The following THAP12 variants were observed in gnomAD, a reference collection of about 807,000 sequenced individuals.
The protein encoded by THAP12 is THAP domain containing 12.
In THAP12, 20 loss-of-function variants were observed where a neutral mutation model predicts 63.0. The observed-to-expected ratio is 0.32, with a 90% CI of 0.22 to 0.46. THAP12 has a LOEUF of 0.46. Ranked by LOEUF, THAP12 falls within the 20% of genes least tolerant of loss-of-function variation. The pLI is 1.00. For missense variants in THAP12, 568 were observed against 908.2 expected, an observed-to-expected ratio of 0.63 and a Z score of 4.81; for synonymous variants, 264 against 328.4, an observed-to-expected ratio of 0.80 and a Z score of 2.12.
intron 3 of THAP12, chr11:76,359,408 C>T (rs1039459001): frequency 1.3e-5 from 2 of 151,888 alleles, no homozygotes; most frequent in Non-Finnish European, 2.9e-5. Flanking sequence ...TAGTAATATT[C>T]GTTTACTAAC....
intron 1 of THAP12, among the ~76,000 whole-genome samples, chr11:76,377,695 TATGA>T (rs1226323135): frequency 6.6e-6 from 1 of 152,256 alleles, no homozygotes. Context: ...ATAGTGCTGC[TATGA>T]ATGTGTGTAC....
At chr11:76,360,254 T>C (rs1946589571) in intron 3 of THAP12, among the ~76,000 whole-genome samples, 1 of 152,160 alleles carries the variant, frequency 6.6e-6, no homozygotes, top group Non-Finnish European at 1.5e-5. Flanking sequence ...AGGACATATA[T>C]TAAATACACT....
intron 1 of THAP12, among the ~76,000 whole-genome samples, chr11:76,374,651 T>C (rs1946696745): frequency 6.6e-6 from 1 of 152,232 alleles, no homozygotes; most frequent in Non-Finnish European, 1.5e-5. Flanking sequence ...GATGCCATCA[T>C]GTTATGTAGC....
At chr11:76,353,431 T>A (rs1262750322) in intron 4 of THAP12, among the ~76,000 whole-genome samples, 2 of 152,230 alleles carry the variant, frequency 1.3e-5, no homozygotes, top group South Asian at 2.1e-4. Context: ...TCCAAGTGCG[T>A]CTGGCTCCAA....
At chr11:76,361,221 T>C in intron 2 of THAP12, 158 bp from the exon 3 acceptor site, 2 of 527,732 alleles carry the variant, frequency 3.8e-6, no homozygotes, top group Non-Finnish European at 6.6e-6. Context: ...AGTCTACTAT[T>C]TCCAACTGTG....
chr11:76,369,577 A>C (rs1434391304), intron 1 of THAP12, among the ~76,000 whole-genome samples: 1 of 152,238 alleles, frequency 6.6e-6, no homozygotes, highest in Non-Finnish European at 1.5e-5. Context: ...CAGAAATAAA[A>C]TTTTTCCTAA....
chr11:76,376,622 T>TG (rs879535958), intron 1 of THAP12, among the ~76,000 whole-genome samples: 2 of 141,708 alleles, frequency 1.4e-5, no homozygotes, highest in South Asian at 4.8e-4. Context: ...TATGTTTTTT[T>TG]TGTTTTTTTT....
chr11:76,352,253 A>G lies in THAP12; in HGVS notation c.897T>C (p.Tyr299=), dbSNP rs1167272021. ...CAGCCAAAATTTCTGCATCGGCTTC[A>G]TAAGGCAGGAAGCCTATAAATTCCT... The part of the protein sequence containing the change: ...LREEFIGFLP[Y]EADAEILAVK... Residue 299 remains tyrosine (Y), a synonymous_variant, in exon 5 of 5, where the codon TAT becomes TAC. Coordinates refer to ENST00000260045, the MANE Select transcript of THAP12 (RefSeq NM_004705.4). The G allele has an allele frequency of 5.6e-6, 9 of 1,611,952 alleles. No individual in the cohort carries two copies. Among genetic ancestry groups the G allele is most frequent in the South Asian group, 1.1e-5 (1 of 90,956 alleles).
intron 4 of THAP12, among the ~76,000 whole-genome samples, chr11:76,353,853 A>G (rs1233434482): frequency 6.6e-6 from 1 of 152,216 alleles, no homozygotes; most frequent in Non-Finnish European, 1.5e-5. Flanking sequence ...TACTAAAAAT[A>G]CAAAAATTAG....
Position 76,351,678 on chromosome 11 carries a change from G to C in THAP12, c.1472C>G (p.Ser491Cys). The change falls in exon 5 of 5, where the codon TCT (serine) becomes TGT (cysteine). Residue 491 changes from serine (S) to cysteine (C), a missense_variant. Coordinates refer to ENST00000260045, the MANE Select transcript of THAP12 (RefSeq NM_004705.4). Reference protein sequence around the residue: ...VTIVVLKNVLSFTRAFGKNLQ... With the variant: ...VTIVVLKNVLCFTRAFGKNLQ... ...GTTTTTCCCAAAGGCTCTTGTAAAA[G>C]ATAGGACATTTTTAAGAACAACAAT... is the stretch of plus-strand genomic sequence containing the variant. 3 of 1,587,652 alleles carry C rather than the reference G, an allele frequency of 1.9e-6. No individual in the cohort carries two copies. The highest frequency in any genetic ancestry group is 2.6e-6 in the Non-Finnish European group (3 of 1,168,388).
chr11:76,377,560 T>C (rs1412218926), intron 1 of THAP12, among the ~76,000 whole-genome samples: 1 of 152,274 alleles, frequency 6.6e-6, no homozygotes, highest in Non-Finnish European at 1.5e-5. Context: ...GGTTCACCCA[T>C]ACTGTAGTAT....
chr11:76,352,063 CA>C lies in THAP12; in HGVS notation c.1086del (p.Cys362TrpfsTer3). The C allele has an allele frequency of 6.2e-7, 1 of 1,611,868 alleles. No homozygotes were observed. Among genetic ancestry groups the C allele is most frequent in the Non-Finnish European group, 8.5e-7 (1 of 1,179,758 alleles). The part of the protein sequence containing the change: ...PQAIYTLCSS[C>X]ALNMWLAKSV... Reference sequence around the variant, plus strand: ...GATTTTGCCAACCACATATTTAAGGCACAGGAAGAGCAGAGTGTGTAGATAG... The same window carrying C: ...GATTTTGCCAACCACATATTTAAGGCCAGGAAGAGCAGAGTGTGTAGATAG... On this transcript the variant is annotated frameshift_variant, in exon 5 of 5. Coordinates refer to ENST00000260045, the MANE Select transcript of THAP12 (RefSeq NM_004705.4). LOFTEE classifies it high-confidence loss of function.
chr11:76,376,637 T>C (rs1377280611), intron 1 of THAP12, among the ~76,000 whole-genome samples: 2 of 151,386 alleles, frequency 1.3e-5, no homozygotes, highest in African/African-American at 4.9e-5. Flanking sequence ...TTTTTTTTTT[T>C]TTCAGGTAAG....
intron 2 of THAP12, among the ~76,000 whole-genome samples, chr11:76,365,594 C>T (rs1411168321): frequency 6.6e-6 from 1 of 152,026 alleles, no homozygotes; most frequent in Non-Finnish European, 1.5e-5. Context: ...GCCATGTTGC[C>T]CAGGCTGGTC....
intron 2 of THAP12, among the ~76,000 whole-genome samples, 163 bp downstream of exon 2, chr11:76,365,689 A>G (rs992671153): frequency 6.6e-6 from 1 of 152,198 alleles, no homozygotes; most frequent in African/African-American, 2.4e-5. Flanking sequence ...CAGGATTTTA[A>G]GAACAAAACA....
In THAP12 at chr11:76,356,720, T is replaced by C. The variant is rs547412784; in HGVS notation, c.319-1066A>G. The C allele has an allele frequency of 5.3e-5, 8 of 152,308 alleles. No homozygotes were observed. In the South Asian group the frequency reaches 1.7e-3, roughly 32 times the overall value. 9.4% of individuals were successfully genotyped at this position (152,308 alleles called of 1,614,324 possible). On this transcript the variant is annotated intron_variant, in intron 3 of 4. Coordinates refer to ENST00000260045, the MANE Select transcript of THAP12 (RefSeq NM_004705.4). ...GTTACAAACACATAAATGTATTAAG[T>C]ATCATAAATAATCTAGGTATTATTT...
At chr11:76,356,850 C>T (rs1029692456) in intron 3 of THAP12, 4 of 152,066 alleles carry the variant, frequency 2.6e-5, no homozygotes, top group African/African-American at 7.2e-5. Context: ...CAAGACCAGC[C>T]TGACCAACAT....
chr11:76,378,146 C>T (rs1011690413), intron 1 of THAP12, among the ~76,000 whole-genome samples: 12 of 152,206 alleles, frequency 7.9e-5, no homozygotes, highest in South Asian at 6.2e-4. Context: ...CAGCCAAGCA[C>T]GGTGGCTTAC....
intron 4 of THAP12, among the ~76,000 whole-genome samples, chr11:76,355,160 T>C (rs1177131132): frequency 1.3e-5 from 2 of 152,210 alleles, no homozygotes; most frequent in African/African-American, 4.8e-5. Flanking sequence ...GGTGACATAA[T>C]TCGGACATCA....
Sources: allele counts gnomAD v4.1 joint callset (sites outside exome capture counted in the v4.1 genomes callset), GRCh38; gene constraint gnomAD v4.1.1; transcripts MANE v1.5; gene names NCBI Gene and HGNC (gene_info 2026-07-23, HGNC 2026-07-21).